CUBN: variants seen among roughly 807,000 people sequenced by gnomAD.
The protein encoded by CUBN is 460 kDa receptor.
In CUBN, 282 loss-of-function variants were observed where a neutral mutation model predicts 405.3. That is an observed-to-expected ratio of 0.70 (90% confidence interval 0.63 to 0.77). The LOEUF (loss-of-function observed/expected upper bound fraction) is 0.77. Ranked by LOEUF, CUBN falls within the 30% of genes least tolerant of loss-of-function variation. The pLI is 0.00. For synonymous variants in CUBN, 1,684 were observed against 1,617.0 expected (o/e 1.04, Z -0.99); for missense variants, 4,514 against 4,475.2 (o/e 1.01, Z -0.25).
rs763864946 is a variant in CUBN, at chr10:17,100,164, C to T, written c.1606G>A (p.Asp536Asn). 2.3e-5 allele frequency: 37 copies of T among 1,613,960 alleles called. No individual in the cohort carries two copies. In the East Asian group the frequency reaches 7.4e-4, roughly 32 times the overall value. Residue 536 changes from aspartate to asparagine, a missense_variant, in exon 14 of 67, where the codon GAT (aspartate) becomes AAT (asparagine). Coordinates refer to ENST00000377833, the MANE Select transcript of CUBN (RefSeq NM_001081.4). The part of the protein sequence containing the change: ...NCPHEFLQVY[D>N]GDSSSAFQLG... ...TGAAAAGCAGAAGAGGAATCTCCAT[C>T]ATAAACCTGAAGAAACTCGTGTGGA...
chr10:16,968,323 A>AT (rs557654227), intron 31 of CUBN, among the ~76,000 whole-genome samples: 78 of 147,716 alleles, frequency 5.3e-4, no homozygotes, highest in Non-Finnish European at 5.9e-4. Context: ...AGCACAGGGA[A>AT]TTTTTTTTTT....
intron 54 of CUBN, among the ~76,000 whole-genome samples, chr10:16,892,239 T>C (rs1048626693): frequency 9.9e-5 from 15 of 152,182 alleles, no homozygotes; most frequent in Non-Finnish European, 2.2e-4. Flanking sequence ...AGACAAATTA[T>C]ATTAGCCATT....
intron 30 of CUBN, among the ~76,000 whole-genome samples, chr10:16,983,225 A>C (rs1429116170): frequency 1.3e-5 from 2 of 152,182 alleles, no homozygotes; most frequent in Admixed American, 6.5e-5. Flanking sequence ...CTATTTTCTA[A>C]TAATGGAGAA....
rs751776723 is a variant in CUBN at position 16,900,695 on chromosome 10, G to A, written c.8340C>T (p.Val2780=). Residue 2780 remains valine (V), a synonymous_variant, in exon 53 of 67, where the codon GTC becomes GTT. Transcript: ENST00000377833. ...ATGAATGGTCTGAGTTAAAAGTCAC[G>A]ACCAGCTGATTGGAACCTGACTGTA... ...RTIQSGSNQL[V]VTFNSDHSLQ... 5.2e-5 allele frequency: 84 copies of A among 1,614,092 alleles called. 1 individual carries two copies. In the Middle Eastern group the frequency reaches 2.3e-3, roughly 44 times the overall value.
chr10:16,872,385 G>A (rs1840384776), intron 58 of CUBN, among the ~76,000 whole-genome samples: 1 of 149,186 alleles, frequency 6.7e-6, no homozygotes, highest in Admixed American at 6.6e-5. Context: ...TAAAGAGAGA[G>A]AGAATATATA....
intron 40 of CUBN, among the ~76,000 whole-genome samples, chr10:16,929,680 A>G (rs1038949118): frequency 6.6e-6 from 1 of 152,220 alleles, no homozygotes; most frequent in Non-Finnish European, 1.5e-5. Context: ...TTTATAATTC[A>G]AAAGTGTATC....
chr10:17,029,406 T>G (rs937251890), intron 27 of CUBN, among the ~76,000 whole-genome samples: 3 of 152,208 alleles, frequency 2.0e-5, no homozygotes, highest in East Asian at 1.9e-4. Context: ...AAACCAAAAT[T>G]TCTTCTAAAA....
At chr10:16,884,421 T>C (rs1481233618) in intron 56 of CUBN, among the ~76,000 whole-genome samples, 1 of 151,904 alleles carries the variant, frequency 6.6e-6, no homozygotes, top group East Asian at 1.9e-4. Flanking sequence ...TGAGGGCTTC[T>C]AGTTGGCCAC....
rs117626557 is a variant in CUBN at position 16,855,314 on chromosome 10, T to C, written c.9455-3871A>G. Among the ~76,000 whole-genome samples the C allele has an allele frequency of 6.6e-5, 10 of 152,166 alleles. No individual in the cohort carries two copies. The East Asian group carries it at 1.9e-3, about 29-fold the overall frequency. ...CACTAAAATGGAGAGTATATTTTTCTGTGCACTTGATGTTAGGCTTAGCCC... is the reference window on the plus strand; with the variant it reads ...CACTAAAATGGAGAGTATATTTTTCCGTGCACTTGATGTTAGGCTTAGCCC... On this transcript the variant is annotated intron_variant, in intron 59 of 66. Transcript: ENST00000377833.
chr10:16,854,375 C>A (rs1315356479), intron 59 of CUBN, among the ~76,000 whole-genome samples: 1 of 152,218 alleles, frequency 6.6e-6, no homozygotes, highest in Non-Finnish European at 1.5e-5. Flanking sequence ...GTTTGGCTGT[C>A]AGACTGTGTT....
intron 6 of CUBN, among the ~76,000 whole-genome samples, chr10:17,117,385 T>G (rs1389353244): frequency 1.3e-5 from 2 of 151,408 alleles, no homozygotes; most frequent in Non-Finnish European, 3.0e-5. Context: ...TTTGTTTTTG[T>G]TTTTTTTGAG....
At chr10:17,025,046 G>A (rs1380474456) in intron 27 of CUBN, among the ~76,000 whole-genome samples, 2 of 152,086 alleles carry the variant, frequency 1.3e-5, no homozygotes, top group Admixed American at 6.5e-5. Flanking sequence ...GAAACTTCTG[G>A]AGAATAATTT....
chr10:17,034,182 G>C (rs1252781247), intron 27 of CUBN, among the ~76,000 whole-genome samples: 3 of 152,166 alleles, frequency 2.0e-5, no homozygotes, highest in African/African-American at 7.2e-5. Flanking sequence ...TAGTGGAAAA[G>C]GGGAAGGAAT....
At chr10:17,042,356 A>G (rs1306900584) in intron 26 of CUBN, among the ~76,000 whole-genome samples, 1 of 152,160 alleles carries the variant, frequency 6.6e-6, no homozygotes, top group Non-Finnish European at 1.5e-5. Flanking sequence ...AGGAAAATAC[A>G]TTCCAGTAAA....
In CUBN at chr10:17,104,303, G is replaced by A; in HGVS notation, c.1417+116C>T. 3 of 841,124 alleles carry A rather than the reference G, an allele frequency of 3.6e-6. No homozygotes were observed. The South Asian group carries it at 4.4e-5, about 12-fold the overall frequency. 52.1% of individuals were successfully genotyped at this position (841,124 alleles called of 1,614,324 possible). The stretch of plus-strand genomic sequence containing the variant: ...TCTGCAAGGAAAGACTTAGTTCTCA[G>A]TATCTGAGCAACTGGACAAGAAAGT... On this transcript the variant is annotated intron_variant, in intron 12 of 66. Coordinates refer to ENST00000377833, the MANE Select transcript of CUBN (RefSeq NM_001081.4).
chr10:17,091,409 A>C (rs1836256096), intron 14 of CUBN, among the ~76,000 whole-genome samples: 1 of 152,190 alleles, frequency 6.6e-6, no homozygotes, highest in African/African-American at 2.4e-5. Context: ...TTTTAAAAAA[A>C]AGAAAAAGAG....
intron 28 of CUBN, among the ~76,000 whole-genome samples, chr10:17,001,419 GTTTTACAGGGTGCTGATTGGTCTGT>G (rs1224800800): frequency 6.6e-6 from 1 of 152,086 alleles, no homozygotes; most frequent in East Asian, 1.9e-4. Context: ...TGATTGGTCC[GTTTTACAGGGTGCTGATTGGTCTGT>G]TTTTACAGAG....
chr10:17,029,116 GT>G (rs1360297511), intron 27 of CUBN, among the ~76,000 whole-genome samples: 1 of 152,194 alleles, frequency 6.6e-6, no homozygotes, highest in Non-Finnish European at 1.5e-5. Flanking sequence ...ATTATTTTAG[GT>G]TTGATTATTA....
intron 14 of CUBN, among the ~76,000 whole-genome samples, chr10:17,095,917 A>AAC (rs931082341): frequency 6.6e-6 from 1 of 152,088 alleles, no homozygotes; most frequent in African/African-American, 2.4e-5. Context: ...AATACACAAA[A>AAC]ACACACACAC....
Sources: allele counts gnomAD v4.1 joint callset (sites outside exome capture counted in the v4.1 genomes callset), GRCh38; gene constraint gnomAD v4.1.1; transcripts MANE v1.5; gene names NCBI Gene and HGNC (gene_info 2026-07-23, HGNC 2026-07-21).